The following RARA variants were observed in gnomAD, a reference collection of about 807,000 sequenced individuals.
The protein encoded by RARA is PML-DDX5-RARA fusion.
Under a neutral mutation model 42.8 loss-of-function variants are expected in RARA, and 5 were observed. The ratio of observed to expected loss-of-function variants is 0.12; its 90% confidence interval spans 0.06 to 0.25. The LOEUF (loss-of-function observed/expected upper bound fraction) is 0.25. Ranked by LOEUF, RARA falls within the 10% of genes least tolerant of loss-of-function variation. RARA has a pLI of 1.00. For synonymous variants in RARA, 256 were observed against 259.5 expected, an observed-to-expected ratio of 0.99 and a Z score of 0.13; for missense variants, 402 against 628.7, an observed-to-expected ratio of 0.64 and a Z score of 3.86.
At chr17:40,334,162 G>A (rs542368203) in intron 2 of RARA, among the ~76,000 whole-genome samples, 1 of 152,086 alleles carries the variant, frequency 6.6e-6, no homozygotes, top group African/African-American at 2.4e-5. Context: ...AATGTTGCAA[G>A]CTTCTTCCTC....
In RARA at chr17:40,352,293, C is replaced by A; in HGVS notation, c.631-38C>A. 6.4e-7 allele frequency: 1 copy of A among 1,561,966 alleles called. No individual in the cohort carries two copies. The highest frequency in any genetic ancestry group is 8.7e-7 in the Non-Finnish European group (1 of 1,150,464). ...CTGGAGCCAGGCTGAGAAGGGGTGC[C>A]ATGGAGAAGAAGGCCCTCACTCTCC... On this transcript the variant is annotated intron_variant, in intron 5 of 8. Coordinates refer to ENST00000254066, the MANE Select transcript of RARA (RefSeq NM_000964.4). The surrounding 1 kb of genome is among the most constrained non-coding windows in gnomAD (Gnocchi z 4.9).
At chr17:40,323,034 G>C (rs2033435514) in intron 1 of RARA, 1 of 152,220 alleles carries the variant, frequency 6.6e-6, no homozygotes, top group Non-Finnish European at 1.5e-5. Context: ...CACTACCCCT[G>C]GTTCTTGTGG....
rs775527211 is a variant in RARA at position 40,352,091 on chromosome 17, G to T, written c.630+21G>T. On this transcript the variant is annotated intron_variant, in intron 5 of 8. Transcript: ENST00000254066. This position sits in a 1 kb window ranked among gnomAD's most constrained non-coding sequence, Gnocchi z 4.9. ...CTACGGTATGGCTTTCCCCCGGCCT[G>T]CAGGGTGGGATTTGCCCAGGGCCAC... 1.9e-6 allele frequency: 3 copies of T among 1,539,124 alleles called. No homozygotes were observed. Among genetic ancestry groups the T allele is most frequent in the East Asian group, 4.7e-5 (2 of 42,540 alleles).
chr17:40,321,351 C>A (rs1490989030), intron 1 of RARA, among the ~76,000 whole-genome samples: 1 of 151,980 alleles, frequency 6.6e-6, no homozygotes, highest in Non-Finnish European at 1.5e-5. Flanking sequence ...TCGCTCCCCC[C>A]TAGCTGGGAC....
rs1008400522 is a variant in RARA, at chr17:40,356,935, A to G, written c.*709A>G. 7 of 392,022 alleles carry G rather than the reference A, an allele frequency of 1.8e-5. No homozygotes were observed. The highest frequency in any genetic ancestry group is 7.4e-5 in the South Asian group (3 of 40,768). The allele number at this position is 392,022 out of a possible 1,614,324, so 24.3% of individuals were successfully genotyped here. The stretch of plus-strand genomic sequence containing the variant: ...CCTGTGCCCCCCAGTTCTCCTCCTC[A>G]GCCTTTTCCTCCTCAGTTTTCTCTT... On this transcript the variant is annotated 3_prime_UTR_variant, in exon 9 of 9. Transcript: ENST00000254066.
intron 2 of RARA, among the ~76,000 whole-genome samples, chr17:40,334,296 C>T (rs1475926695): frequency 6.6e-6 from 1 of 152,154 alleles, no homozygotes; most frequent in African/African-American, 2.4e-5. Flanking sequence ...TTAGGCAATG[C>T]CCCCTTCCTG....
intron 2 of RARA, among the ~76,000 whole-genome samples, chr17:40,332,682 A>AT (rs1046120264): frequency 2.0e-5 from 3 of 152,110 alleles, no homozygotes; most frequent in African/African-American, 7.2e-5. Flanking sequence ...CAGGGACTCT[A>AT]TGTCTGTGTT....
chr17:40,355,935 G>C lies in RARA; in HGVS notation c.1172-74G>C. On this transcript the variant is annotated intron_variant, in intron 8 of 8. Coordinates refer to ENST00000254066, the MANE Select transcript of RARA (RefSeq NM_000964.4). The surrounding 1 kb of genome is among the most constrained non-coding windows in gnomAD (Gnocchi z 4.1). ...TCAGCAGTATTGATCTTCCCACCTC[G>C]AGCCAGGCTTGCTGGGGCTGGGGGT... 9 of 1,346,810 alleles carry C rather than the reference G, an allele frequency of 6.7e-6. No homozygotes were observed. The highest frequency in any genetic ancestry group is 9.2e-6 in the Non-Finnish European group (9 of 983,032). 83.4% of individuals were successfully genotyped at this position (1,346,810 alleles called of 1,614,324 possible).
chr17:40,331,127 C>A lies in RARA; in HGVS notation c.-92C>A. On this transcript the variant is annotated 5_prime_UTR_variant, in exon 2 of 9. Coordinates refer to ENST00000254066, the MANE Select transcript of RARA (RefSeq NM_000964.4). ...GCTGACCACCCAAACCCCATCTGGGCCCAGGCCCCATGCCCCGAGGAGGGG... is the reference window on the plus strand; with the variant it reads ...GCTGACCACCCAAACCCCATCTGGGACCAGGCCCCATGCCCCGAGGAGGGG... The A allele has an allele frequency of 7.1e-7, 1 of 1,417,290 alleles. No homozygotes were observed. Among genetic ancestry groups the A allele is most frequent in the South Asian group, 1.3e-5 (1 of 75,620 alleles). The allele number at this position is 1,417,290 out of a possible 1,614,324, so 87.8% of individuals were successfully genotyped here. A position where few individuals can be genotyped will look rare whatever the true frequency, so the allele number is the denominator to read the frequency against.
chr17:40,344,751 T>C (rs2034198868), intron 2 of RARA, among the ~76,000 whole-genome samples: 1 of 151,938 alleles, frequency 6.6e-6, no homozygotes, highest in Admixed American at 6.6e-5. Flanking sequence ...GTGAGTGAGG[T>C]GTCAGTGGAC....
chr17:40,348,728 G>A (rs962218633), intron 3 of RARA: 2 of 333,738 alleles, frequency 6.0e-6, no homozygotes, highest in Non-Finnish European at 1.1e-5. Context: ...CAGGGCGTAC[G>A]CCTGCTCTGC....
At chr17:40,342,192 G>A in intron 2 of RARA, 2 of 1,051,618 alleles carry the variant, frequency 1.9e-6, no homozygotes, top group Non-Finnish European at 2.3e-6. Context: ...CGAGCGAGTC[G>A]CCAGCTGCCC....
chr17:40,324,519 C>T (rs539319229), intron 1 of RARA, among the ~76,000 whole-genome samples: 2 of 152,202 alleles, frequency 1.3e-5, no homozygotes, highest in South Asian at 4.1e-4. Flanking sequence ...CCAGCAGAGA[C>T]CCCCACTTCC....
At chr17:40,316,311 C>T (rs2033212818) in intron 1 of RARA, among the ~76,000 whole-genome samples, 2 of 152,210 alleles carry the variant, frequency 1.3e-5, no homozygotes. Context: ...AAGTGTGCCC[C>T]ACCCTCTGCT....
chr17:40,346,188 C>T (rs149216202), intron 2 of RARA, among the ~76,000 whole-genome samples: 1 of 152,310 alleles, frequency 6.6e-6, no homozygotes, highest in Admixed American at 6.5e-5. Context: ...TGCTTTAGCT[C>T]CATGTTTTTA....
At chr17:40,332,306 G>A (rs1303932886) in intron 2 of RARA, among the ~76,000 whole-genome samples, 4 of 152,248 alleles carry the variant, frequency 2.6e-5, no homozygotes, top group Admixed American at 2.0e-4. Flanking sequence ...GCAGCAGAAT[G>A]GGCCATGGGC....
intron 2 of RARA, chr17:40,341,567 G>A (rs1366305309): frequency 2.2e-6 from 3 of 1,370,932 alleles, no homozygotes; most frequent in African/African-American, 3.1e-5. Flanking sequence ...GGGGGCTGGC[G>A]GGCGAGCCCC....
rs1219519747 is a variant in RARA at position 40,356,490 on chromosome 17, A to G, written c.*264A>G. 2 of 684,584 alleles carry G rather than the reference A, an allele frequency of 2.9e-6. No homozygotes were observed. The highest frequency in any genetic ancestry group is 5.6e-5 in the East Asian group (2 of 35,988). 42.4% of individuals were successfully genotyped at this position (684,584 alleles called of 1,614,324 possible). ...AGTGAGGCCCCTGGTCCTGGGTCTC[A>G]GGATGGGTCCTGGGGGCCTCGTGTT... On this transcript the variant is annotated 3_prime_UTR_variant, in exon 9 of 9. Coordinates refer to ENST00000254066, the MANE Select transcript of RARA (RefSeq NM_000964.4).
chr17:40,313,208 G>A (rs886232150), intron 1 of RARA, among the ~76,000 whole-genome samples: 4 of 152,140 alleles, frequency 2.6e-5, no homozygotes, highest in Admixed American at 6.5e-5. Flanking sequence ...ACTCCCCAGA[G>A]CCCTTTGTGA....
Sources: gnomAD v4.1 joint callset for allele counts (sites outside exome capture counted in the v4.1 genomes callset) on GRCh38, gnomAD v4.1.1 for gene constraint, Gnocchi (gnomAD v3.1) non-coding constraint, MANE v1.5 for transcripts, NCBI Gene and HGNC (gene_info 2026-07-23, HGNC 2026-07-21) for gene names.